The following PAPPA variants were observed in gnomAD, a reference collection of about 807,000 sequenced individuals.
PAPPA encodes pappalysin-1.
A neutral mutation model predicts 164.0 loss-of-function variants in PAPPA; 60 were observed. The ratio of observed to expected loss-of-function variants is 0.37; its 90% CI spans 0.30 to 0.45. PAPPA has a LOEUF of 0.45. Among genes scored for constraint, PAPPA ranks in the 20% least tolerant of loss-of-function variants. The pLI, the probability that PAPPA is intolerant of heterozygous loss-of-function variation, is 1.00. For missense variants in PAPPA, 1,782 were observed against 2,087.3 expected (o/e 0.85, Z 2.85); for synonymous variants, 875 against 814.1 (o/e 1.07, Z -1.27).
At chr9:116,294,513 A>G (rs1845476996) in intron 9 of PAPPA, among the ~76,000 whole-genome samples, 1 of 152,208 alleles carries the variant, frequency 6.6e-6, no homozygotes. Flanking sequence ...CCTTTGAAAG[A>G]TAGGCTATAT....
intron 1 of PAPPA, among the ~76,000 whole-genome samples, chr9:116,165,249 A>G (rs1019611114): frequency 2.6e-5 from 4 of 152,182 alleles, no homozygotes; most frequent in Non-Finnish European, 1.5e-5. Flanking sequence ...CCATCTGTCT[A>G]CTAATGGTAG....
chr9:116,283,887 G>T (rs962269248), intron 9 of PAPPA, among the ~76,000 whole-genome samples: 11 of 152,044 alleles, frequency 7.2e-5, no homozygotes, highest in African/African-American at 2.6e-4. Flanking sequence ...CAGGGAGGGA[G>T]GAAAAGCTGA....
At position 116,290,114 on chromosome 9, in the gene PAPPA, C is replaced by T. The variant is rs73654692; in HGVS notation, c.2954-12643C>T. On this transcript the variant is annotated intron_variant, in intron 9 of 21. Transcript: ENST00000328252. ...ACAGCATTATTTTACTTTATCTTTACACCCACTTTTGAAAATGGGTAGGAA... is the reference window on the plus strand; with the variant it reads ...ACAGCATTATTTTACTTTATCTTTATACCCACTTTTGAAAATGGGTAGGAA... Among the ~76,000 whole-genome samples the T allele has an allele frequency of 8.3e-3, 1,259 of 152,240 alleles. 18 individuals are homozygous for T. The highest frequency in any genetic ancestry group is 0.029 in the African/African-American group (1,206 of 41,548).
At chr9:116,356,354 AT>A (rs36100292) in intron 17 of PAPPA, among the ~76,000 whole-genome samples, 6,395 of 152,296 alleles carry the variant, frequency 0.042, 485 homozygotes, top group African/African-American at 0.15. Flanking sequence ...GAGCATGTCT[AT>A]GGGTACCCAC....
chr9:116,398,268 C>A lies in PAPPA; in HGVS notation c.*1652C>A. 4.9e-6 allele frequency: 1 copy of A among 206,062 alleles called. No individual in the cohort carries two copies. The allele number at this position is 206,062 out of a possible 1,614,324, so 12.8% of individuals were successfully genotyped here. ...GGAGAGAAGGGTTGAGTGTGGCATA[C>A]TTTCTGAAACCTGGAGCTGGGAATT... On this transcript the variant is annotated 3_prime_UTR_variant, in exon 22 of 22. Transcript: ENST00000328252.
chr9:116,191,945 G>A (rs527410956), intron 2 of PAPPA, among the ~76,000 whole-genome samples: 14 of 152,298 alleles, frequency 9.2e-5, no homozygotes, highest in African/African-American at 3.1e-4. Context: ...CCCTTGGCCT[G>A]TAGGGGCAAG....
At chr9:116,256,840 G>C (rs1002614762) in intron 7 of PAPPA, among the ~76,000 whole-genome samples, 6 of 151,820 alleles carry the variant, frequency 4.0e-5, no homozygotes, top group Admixed American at 2.6e-4. Flanking sequence ...ACACAAAAAA[G>C]TTTGAGCTGA....
chr9:116,274,470 G>T (rs1430466596), intron 9 of PAPPA, among the ~76,000 whole-genome samples: 1 of 152,214 alleles, frequency 6.6e-6, no homozygotes, highest in African/African-American at 2.4e-5. Flanking sequence ...AATCTTTAAT[G>T]AGTCAGAGAA....
chr9:116,221,939 G>A (rs1428909816), intron 5 of PAPPA, among the ~76,000 whole-genome samples: 1 of 152,214 alleles, frequency 6.6e-6, no homozygotes, highest in African/African-American at 2.4e-5. Flanking sequence ...ACACCTGTTA[G>A]AATGGCTATT....
At position 116,376,021 on chromosome 9, in the gene PAPPA, A is replaced by ATTT. The variant is rs34549794; in HGVS notation, c.4606-1539_4606-1537dup. ...GAGAATAGAAAAGGGAACTTCCAGG[A>ATTT]TTTTTTTTTTTTTTTTTTGAGACGG... On this transcript the variant is annotated intron_variant, in intron 19 of 21. Coordinates refer to ENST00000328252, the MANE Select transcript of PAPPA (RefSeq NM_002581.5). Among the ~76,000 whole-genome samples, 1,640 of 135,662 alleles carry ATTT rather than the reference A, an allele frequency of 0.012. 148 individuals carry two copies. In the East Asian group the frequency reaches 0.18, roughly 15 times the overall value. 89.0% of individuals were successfully genotyped at this position (135,662 alleles called of 152,430 possible).
At chr9:116,228,469 A>G (rs1265482334) in intron 6 of PAPPA, among the ~76,000 whole-genome samples, 2 of 152,198 alleles carry the variant, frequency 1.3e-5, no homozygotes, top group Non-Finnish European at 2.9e-5. Flanking sequence ...CTCCTCCGCT[A>G]TCCTCTATAT....
At chr9:116,186,399 C>T (rs1285103078) in intron 1 of PAPPA, among the ~76,000 whole-genome samples, 1 of 152,122 alleles carries the variant, frequency 6.6e-6, no homozygotes, top group Admixed American at 6.5e-5. Flanking sequence ...CTCTGGGACT[C>T]AGCTCTCTCA....
At chr9:116,384,490 C>T (rs1846778232) in intron 21 of PAPPA, among the ~76,000 whole-genome samples, 1 of 152,124 alleles carries the variant, frequency 6.6e-6, no homozygotes, top group East Asian at 1.9e-4. Context: ...GTATAAACTT[C>T]TCAGCTGTAT....
intron 1 of PAPPA, among the ~76,000 whole-genome samples, chr9:116,156,334 G>GTATATATATATATATATGTATATA (rs374567663): frequency 8.6e-5 from 12 of 139,590 alleles, no homozygotes; most frequent in Non-Finnish European, 1.5e-4. Flanking sequence ...ATATATATGT[G>GTATATATATATATATATGTATATA]TATATATATA....
intron 7 of PAPPA, among the ~76,000 whole-genome samples, chr9:116,264,429 A>C (rs1363527873): frequency 6.6e-6 from 1 of 152,242 alleles, no homozygotes; most frequent in Admixed American, 6.5e-5. Flanking sequence ...CTGCTAAAAC[A>C]AACTCCCTTT....
intron 9 of PAPPA, among the ~76,000 whole-genome samples, chr9:116,279,089 A>G (rs926257160): frequency 6.6e-6 from 1 of 152,122 alleles, no homozygotes; most frequent in African/African-American, 2.4e-5. Context: ...CAGTTTCCCC[A>G]CTGTAAAATA....
At chr9:116,166,056 T>C (rs549607785) in intron 1 of PAPPA, among the ~76,000 whole-genome samples, 1 of 152,352 alleles carries the variant, frequency 6.6e-6, no homozygotes, top group African/African-American at 2.4e-5. Context: ...GTTTAATATC[T>C]AATGATTCTG....
At position 116,271,923 on chromosome 9, in the gene PAPPA, G is replaced by A. The variant is rs893457823; in HGVS notation, c.2953+507G>A. Reference sequence around the variant, plus strand: ...TCATTTTGCTTTGCAACCTCCAGCCGTGATGCAGGAACCACCAAGGTCCCC... The same window carrying A: ...TCATTTTGCTTTGCAACCTCCAGCCATGATGCAGGAACCACCAAGGTCCCC... On this transcript the variant is annotated intron_variant, in intron 9 of 21. Transcript: ENST00000328252. This position sits in a 1 kb window ranked among gnomAD's most constrained non-coding sequence, Gnocchi z 4.2. Among the ~76,000 whole-genome samples the A allele has an allele frequency of 5.9e-5, 9 of 152,156 alleles. No homozygotes were observed. Among genetic ancestry groups the A allele is most frequent in the East Asian group, 1.9e-4 (1 of 5,188 alleles).
intron 19 of PAPPA, among the ~76,000 whole-genome samples, chr9:116,372,291 A>G (rs1054935476): frequency 6.6e-6 from 1 of 152,234 alleles, no homozygotes; most frequent in Non-Finnish European, 1.5e-5. Flanking sequence ...GCATTAGCCA[A>G]GTGCAGCAAT....
Sources: allele counts gnomAD v4.1 joint callset (sites outside exome capture counted in the v4.1 genomes callset), GRCh38; gene constraint gnomAD v4.1.1; non-coding constraint Gnocchi (gnomAD v3.1); transcripts MANE v1.5; gene names NCBI Gene and HGNC (gene_info 2026-07-23, HGNC 2026-07-21).